DNAH14: variants seen among roughly 807,000 people sequenced by gnomAD.
The protein encoded by DNAH14 is axonemal beta dynein heavy chain 14.
DNAH14 carries 478 observed loss-of-function variants against 520.9 expected under a neutral mutation model. The ratio of observed to expected loss-of-function variants is 0.92; its 90% confidence interval spans 0.85 to 0.99. The LOEUF (loss-of-function observed/expected upper bound fraction) is 0.99, where lower values mean the gene tolerates loss of function less well. Among genes scored for constraint, DNAH14 ranks in the 50% least tolerant of loss-of-function variants. The pLI, the probability that DNAH14 is intolerant of heterozygous loss-of-function variation, is 0.00. For synonymous variants in DNAH14, 1,581 were observed against 1,757.2 expected (o/e 0.90, Z 2.51); for missense variants, 4,831 against 5,234.5 (o/e 0.92, Z 2.38).
chr1:224,933,302 T>C (rs1320705780), intron 1 of DNAH14, among the ~76,000 whole-genome samples: 1 of 152,150 alleles, frequency 6.6e-6, no homozygotes, highest in Non-Finnish European at 1.5e-5. Flanking sequence ...ACTGAATTCA[T>C]CTATAAAATC....
At chr1:225,305,480 G>A (rs1252303742) in intron 58 of DNAH14, among the ~76,000 whole-genome samples, 1 of 152,170 alleles carries the variant, frequency 6.6e-6, no homozygotes, top group African/African-American at 2.4e-5. Flanking sequence ...CAGTTTTATA[G>A]CCAGCAGTGG....
chr1:225,327,819 C>A (rs1467923092), intron 64 of DNAH14, among the ~76,000 whole-genome samples: 2 of 151,418 alleles, frequency 1.3e-5, no homozygotes, highest in Admixed American at 6.6e-5. Flanking sequence ...AATGAACAAA[C>A]CTCTAGGGGA....
At chr1:225,096,178 C>T (rs1275117126) in intron 21 of DNAH14, among the ~76,000 whole-genome samples, 2 of 151,980 alleles carry the variant, frequency 1.3e-5, no homozygotes, top group Non-Finnish European at 2.9e-5. Flanking sequence ...GACGGGGTTT[C>T]ACCATGTTGG....
chr1:225,257,031 G>A (rs1302947784), intron 44 of DNAH14, among the ~76,000 whole-genome samples: 2 of 152,170 alleles, frequency 1.3e-5, no homozygotes, highest in African/African-American at 4.8e-5. Flanking sequence ...TCTGAGATCA[G>A]CAGAGACCCC....
intron 54 of DNAH14, among the ~76,000 whole-genome samples, chr1:225,279,432 T>C (rs74147185): frequency 0.026 from 3,938 of 152,316 alleles, 123 homozygotes; most frequent in African/African-American, 0.077. Flanking sequence ...GTGGAGCTTC[T>C]GCAGGGAGAA....
chr1:225,239,869 A>C (rs556800229), intron 42 of DNAH14, among the ~76,000 whole-genome samples: 8 of 152,320 alleles, frequency 5.3e-5, no homozygotes, highest in African/African-American at 1.9e-4. Context: ...GTTTTTCACA[A>C]TTTATAAATA....
At chr1:225,237,827 G>A (rs183351709) in intron 42 of DNAH14, among the ~76,000 whole-genome samples, 21 of 152,012 alleles carry the variant, frequency 1.4e-4, no homozygotes, top group Admixed American at 1.4e-3. Context: ...TTTTTCGCCT[G>A]TCTTATTCTT....
chr1:225,358,689 G>T, intron 74 of DNAH14, 37 bp downstream of exon 74: 1 of 1,530,820 alleles, frequency 6.5e-7, no homozygotes. Context: ...GATCGATATG[G>T]TTTGGCTCTG....
intron 8 of DNAH14, among the ~76,000 whole-genome samples, chr1:224,992,608 T>G (rs561868037): frequency 2.1e-4 from 32 of 152,276 alleles, no homozygotes; most frequent in Non-Finnish European, 4.3e-4. Flanking sequence ...TAACATTTTC[T>G]TCGTGGAATC....
rs943835734 is a variant in DNAH14, at chr1:225,388,455, C to A, written c.13154C>A (p.Thr4385Asn). The A allele has an allele frequency of 5.2e-6, 8 of 1,534,910 alleles. No homozygotes were observed. The African/African-American group carries it at 1.1e-4, about 21-fold the overall frequency. ...DLIQRLNFFN[T>N]WAKVAYTAIQ... ...ATCCAGCGACTGAATTTCTTCAATA[C>A]TTGGGCCAAAGTGGCTTATACTGCA... The change falls in exon 82 of 86, where the codon ACT becomes AAT. Residue 4385 changes from threonine to asparagine, a missense_variant. By Grantham distance (65) the Thr-to-Asn change is moderately conservative (BLOSUM62 0). Coordinates refer to ENST00000682510, the MANE Select transcript of DNAH14 (RefSeq NM_001367479.1).
chr1:225,383,356 G>A (rs555128580), intron 81 of DNAH14, among the ~76,000 whole-genome samples: 61 of 152,174 alleles, frequency 4.0e-4, no homozygotes, highest in Non-Finnish European at 7.1e-4. Context: ...GAGCTCGAAA[G>A]GATCTTAGGG....
intron 55 of DNAH14, among the ~76,000 whole-genome samples, chr1:225,291,586 T>G (rs1271640077): frequency 1.3e-5 from 2 of 152,084 alleles, no homozygotes; most frequent in African/African-American, 4.8e-5. Context: ...CCAGCTAATT[T>G]TTTTGTAGAG....
chr1:225,072,089 C>T (rs1351181807), intron 17 of DNAH14, among the ~76,000 whole-genome samples: 3 of 152,166 alleles, frequency 2.0e-5, no homozygotes, highest in Non-Finnish European at 2.9e-5. Flanking sequence ...GTTGGCTTCT[C>T]TAGCTAGGTT....
chr1:225,393,882 G>T (rs977711824), intron 84 of DNAH14, among the ~76,000 whole-genome samples: 1 of 149,886 alleles, frequency 6.7e-6, no homozygotes, highest in South Asian at 2.1e-4. Context: ...GCAGTGGCAC[G>T]ATCTCAGCTC....
chr1:225,185,497 C>A lies in DNAH14; in HGVS notation c.5670+72C>A. The A allele has an allele frequency of 2.9e-6, 4 of 1,378,416 alleles. No individual in the cohort carries two copies. In the South Asian group the frequency reaches 6.6e-5, roughly 23 times the overall value. 85.4% of individuals were successfully genotyped at this position (1,378,416 alleles called of 1,614,324 possible). On this transcript the variant is annotated intron_variant, in intron 37 of 85. Transcript: ENST00000682510. ...ATTTTACACTTTAATATTTTATGTT[C>A]TCTTTATATTGGTATTTTCATTACT... is the stretch of plus-strand genomic sequence containing the variant.
intron 77 of DNAH14, among the ~76,000 whole-genome samples, chr1:225,368,244 A>AGTAC (rs770303172): frequency 2.0e-5 from 3 of 152,336 alleles, no homozygotes; most frequent in Middle Eastern, 3.4e-3. Flanking sequence ...TAGCTGTATA[A>AGTAC]GTACGTAATC....
intron 1 of DNAH14, among the ~76,000 whole-genome samples, chr1:224,932,480 A>G (rs758887095): frequency 2.0e-5 from 3 of 151,690 alleles, no homozygotes; most frequent in Non-Finnish European, 4.4e-5. Context: ...GTCTATTTTT[A>G]TTTTTATTGC....
intron 23 of DNAH14, among the ~76,000 whole-genome samples, chr1:225,102,128 A>G (rs2075536795): frequency 6.8e-6 from 1 of 146,282 alleles, no homozygotes; most frequent in Non-Finnish European, 1.5e-5. Context: ...CCTATGAGTG[A>G]GAACATGCGG....
chr1:225,246,925 A>G (rs1014803329), intron 43 of DNAH14, among the ~76,000 whole-genome samples: 2 of 152,194 alleles, frequency 1.3e-5, no homozygotes, highest in East Asian at 1.9e-4. Flanking sequence ...AAACATGCAC[A>G]CGTATGTTTA....
Sources: allele counts gnomAD v4.1 joint callset (sites outside exome capture counted in the v4.1 genomes callset), GRCh38; gene constraint gnomAD v4.1.1; transcripts MANE v1.5; gene names NCBI Gene and HGNC (gene_info 2026-07-23, HGNC 2026-07-21).